SDK1: variants seen among roughly 807,000 people sequenced by gnomAD.
The protein encoded by SDK1 is sidekick cell adhesion molecule 1.
A neutral mutation model predicts 245.5 loss-of-function variants in SDK1; 157 were observed. The ratio of observed to expected loss-of-function variants is 0.64; its 90% CI spans 0.56 to 0.73. SDK1 has a LOEUF of 0.73. Ranked by LOEUF, SDK1 falls within the 30% of genes least tolerant of loss-of-function variation. The pLI is 0.00. For synonymous variants in SDK1, 1,647 were observed against 1,278.5 expected, an observed-to-expected ratio of 1.29 and a Z score of -6.15; for missense variants, 3,583 against 3,002.3, an observed-to-expected ratio of 1.19 and a Z score of -4.52.
chr7:3,776,034 T>C (rs1780549251), intron 4 of SDK1, among the ~76,000 whole-genome samples: 1 of 152,244 alleles, frequency 6.6e-6, no homozygotes, highest in Admixed American at 6.5e-5. Flanking sequence ...CCACCCTGCA[T>C]TGTCCACAGG....
intron 1 of SDK1, among the ~76,000 whole-genome samples, chr7:3,348,610 C>CTGGGCTA (rs1261451996): frequency 6.6e-6 from 1 of 152,174 alleles, no homozygotes; most frequent in Non-Finnish European, 1.5e-5. Flanking sequence ...TGCCCACTAC[C>CTGGGCTA]TGGGCTATGG....
At chr7:3,319,438 TC>T (rs572669376) in intron 1 of SDK1, among the ~76,000 whole-genome samples, 1 of 151,730 alleles carries the variant, frequency 6.6e-6, no homozygotes, top group South Asian at 2.1e-4. Flanking sequence ...ATCAGTGTGT[TC>T]CCATCTACAC....
chr7:3,773,544 A>G (rs1306692682), intron 4 of SDK1, among the ~76,000 whole-genome samples: 3 of 152,140 alleles, frequency 2.0e-5, no homozygotes, highest in Non-Finnish European at 4.4e-5. Flanking sequence ...TTTCAGGGAC[A>G]GTTACTGTTG....
intron 1 of SDK1, among the ~76,000 whole-genome samples, chr7:3,451,951 C>T (rs1252007119): frequency 6.6e-6 from 1 of 152,142 alleles, no homozygotes; most frequent in Non-Finnish European, 1.5e-5. Context: ...TCCTTATGAG[C>T]TCTGACTCCA....
intron 2 of SDK1, among the ~76,000 whole-genome samples, chr7:3,621,770 T>A (rs1274875998): frequency 6.6e-6 from 1 of 152,206 alleles, no homozygotes; most frequent in Admixed American, 6.5e-5. Context: ...GACAGAGTAA[T>A]ATCAAAGTTC....
chr7:3,935,014 T>C (rs1780106411), intron 5 of SDK1, among the ~76,000 whole-genome samples: 1 of 152,212 alleles, frequency 6.6e-6, no homozygotes. Flanking sequence ...TCCCCTCTTG[T>C]ATTGGCAAGA....
chr7:3,478,573 C>G (rs935992803), intron 1 of SDK1, among the ~76,000 whole-genome samples: 1 of 151,878 alleles, frequency 6.6e-6, no homozygotes, highest in South Asian at 2.1e-4. Flanking sequence ...ATCTATAAGT[C>G]TTTTTGCATT....
Position 3,769,691 on chromosome 7 carries a change from G to C in SDK1, c.714-51759G>C, listed in dbSNP as rs192586989. 4.6e-4 allele frequency among the ~76,000 whole-genome samples: 70 copies of C among 152,186 alleles called. 2 individuals are homozygous for C. The highest frequency in any genetic ancestry group is 8.8e-4 in the Non-Finnish European group (60 of 68,014). On this transcript the variant is annotated intron_variant, in intron 4 of 44. Coordinates refer to ENST00000404826, the MANE Select transcript of SDK1 (RefSeq NM_152744.4). ...AATCTACCATGTCAGTGGGACTCCTGTTCAACTCAGATGAGGGATGAGCCT... is the reference window on the plus strand; with the variant it reads ...AATCTACCATGTCAGTGGGACTCCTCTTCAACTCAGATGAGGGATGAGCCT...
intron 5 of SDK1, among the ~76,000 whole-genome samples, chr7:3,835,630 A>G (rs1292425361): frequency 6.6e-6 from 1 of 152,210 alleles, no homozygotes; most frequent in Non-Finnish European, 1.5e-5. Flanking sequence ...TTCTGGAAGA[A>G]TATTCATCTC....
At chr7:3,459,942 C>G (rs1216289965) in intron 1 of SDK1, among the ~76,000 whole-genome samples, 1 of 152,166 alleles carries the variant, frequency 6.6e-6, no homozygotes, top group Non-Finnish European at 1.5e-5. Flanking sequence ...TTTTAAGAAA[C>G]TTGCCTGCCT....
In SDK1 at chr7:3,631,704, A is replaced by T. The variant is rs111727027; in HGVS notation, c.459-7300A>T. 8.3e-3 allele frequency among the ~76,000 whole-genome samples: 1,269 copies of T among 152,312 alleles called. 24 individuals carry two copies. Among genetic ancestry groups the T allele is most frequent in the African/African-American group, 0.029 (1,220 of 41,556 alleles). On this transcript the variant is annotated intron_variant, in intron 2 of 44. Coordinates refer to ENST00000404826, the MANE Select transcript of SDK1 (RefSeq NM_152744.4). ...TGTTTATGGAGAATCTCTGAGGCAG[A>T]ATTAGCATTAGGCTTTTTAAGGTTC...
intron 40 of SDK1, among the ~76,000 whole-genome samples, chr7:4,229,852 C>G (rs997594757): frequency 2.0e-5 from 3 of 151,966 alleles, no homozygotes; most frequent in Non-Finnish European, 4.4e-5. Context: ...TAGAGACTTG[C>G]TCACAGTAAG....
intron 4 of SDK1, among the ~76,000 whole-genome samples, chr7:3,699,244 A>C (rs1337482943): frequency 6.6e-6 from 1 of 152,224 alleles, no homozygotes; most frequent in East Asian, 1.9e-4. Flanking sequence ...AACAAGAACC[A>C]AGAATATCTC....
At chr7:3,360,318 A>G (rs904294944) in intron 1 of SDK1, among the ~76,000 whole-genome samples, 1 of 152,214 alleles carries the variant, frequency 6.6e-6, no homozygotes, top group Non-Finnish European at 1.5e-5. Context: ...CTCTTAAGTT[A>G]TCTAGATTTT....
chr7:3,353,458 G>T (rs570726230), intron 1 of SDK1, among the ~76,000 whole-genome samples: 1 of 152,206 alleles, frequency 6.6e-6, no homozygotes, highest in East Asian at 1.9e-4. Context: ...CAAATGAGCT[G>T]AGTTACATTT....
chr7:3,832,888 A>G (rs770367540), intron 5 of SDK1, among the ~76,000 whole-genome samples: 1 of 152,078 alleles, frequency 6.6e-6, no homozygotes, highest in Non-Finnish European at 1.5e-5. Flanking sequence ...AGAGGGTCTT[A>G]GGAAAGTATA....
chr7:3,645,863 T>A (rs1056083537), intron 4 of SDK1, among the ~76,000 whole-genome samples: 1 of 151,238 alleles, frequency 6.6e-6, no homozygotes, highest in African/African-American at 2.4e-5. Flanking sequence ...ATTTTTTTTT[T>A]ATTTTTATTT....
At position 3,453,808 on chromosome 7, in the gene SDK1, CCTCCTGGACTCAAATGAT is replaced by C. The variant is rs1205621653; in HGVS notation, c.298+151938_298+151955del. ...ATTGCCCAGGCTGGTCTCAAGCGAT[CCTCCTGGACTCAAATGAT>C]CTCCTGGACTCAAGTGATCCTCCTG... On this transcript the variant is annotated intron_variant, in intron 1 of 44. Transcript: ENST00000404826. Among the ~76,000 whole-genome samples the C allele has an allele frequency of 3.3e-5, 5 of 152,162 alleles. No individual in the cohort carries two copies. The East Asian group carries it at 7.7e-4, about 24-fold the overall frequency.
intron 1 of SDK1, among the ~76,000 whole-genome samples, chr7:3,328,815 A>C (rs1779997961): frequency 6.6e-6 from 1 of 152,080 alleles, no homozygotes. Context: ...CAGTTAGTTC[A>C]GGTCATGGGC....
Sources: allele counts gnomAD v4.1 joint callset (sites outside exome capture counted in the v4.1 genomes callset), GRCh38; gene constraint gnomAD v4.1.1; transcripts MANE v1.5; gene names NCBI Gene and HGNC (gene_info 2026-07-23, HGNC 2026-07-21).